Variants in ARID1A observed in about 807,000 individuals in gnomAD.
The protein encoded by ARID1A is AT-rich interaction domain 1A.
In ARID1A, 20 loss-of-function variants were observed where a neutral mutation model predicts 212.6. The observed-to-expected ratio is 0.09, with a 90% CI of 0.07 to 0.14. ARID1A has a LOEUF of 0.14. Ranked by LOEUF, ARID1A falls within the 10% of genes least tolerant of loss-of-function variation. ARID1A has a pLI of 1.00. For synonymous variants in ARID1A, 1,376 were observed against 1,222.1 expected, an observed-to-expected ratio of 1.13 and a Z score of -2.63; for missense variants, 2,587 against 3,059.0, an observed-to-expected ratio of 0.85 and a Z score of 3.64.
At position 26,757,509 on chromosome 1, in the gene ARID1A, C is replaced by G. The variant is rs114059345; in HGVS notation, c.1921-3347C>G. ...AAGGAAATAAAAACGCACAAAGATA[C>G]GCACCAAATAATTGAACAGTGGTTT... is the stretch of plus-strand genomic sequence containing the variant. On this transcript the variant is annotated intron_variant, in intron 4 of 19. Transcript: ENST00000324856. Among the ~76,000 whole-genome samples the G allele has an allele frequency of 8.0e-3, 1,210 of 151,376 alleles. 13 individuals are homozygous for G. Among genetic ancestry groups the G allele is most frequent in the Non-Finnish European group, 0.012 (836 of 67,844 alleles).
rs913672071 is a variant in ARID1A, at chr1:26,745,725, A to G, written c.1920+12933A>G. On this transcript the variant is annotated intron_variant, in intron 4 of 19. Coordinates refer to ENST00000324856, the MANE Select transcript of ARID1A (RefSeq NM_006015.6). ...TTCTACTGTTGCTTTTACTGTTAGG[A>G]CCAACTCCTGTACAAGACCAGCAAA... 2.0e-5 allele frequency among the ~76,000 whole-genome samples: 3 copies of G among 152,268 alleles called. No homozygotes were observed. The South Asian group carries it at 6.2e-4, about 32-fold the overall frequency.
chr1:26,732,876 G>A (rs2124793031), intron 4 of ARID1A, 84 bp downstream of exon 4: 2 of 1,234,546 alleles, frequency 1.6e-6, no homozygotes, highest in Non-Finnish European at 2.3e-6. Context: ...TGGAAGTTTA[G>A]CTAATTTTGA....
At chr1:26,772,257 T>C in intron 12 of ARID1A, 2 of 537,982 alleles carry the variant, frequency 3.7e-6, no homozygotes, top group South Asian at 4.9e-5. Flanking sequence ...ATCACCAGCA[T>C]GGTGATGTCA....
chr1:26,730,338 A>G (rs893714318), intron 2 of ARID1A, among the ~76,000 whole-genome samples: 1 of 152,240 alleles, frequency 6.6e-6, no homozygotes, highest in Non-Finnish European at 1.5e-5. Flanking sequence ...TGTTAACAGC[A>G]TTGATACAAA....
chr1:26,765,459 G>C (rs2081030421), intron 8 of ARID1A: 1 of 151,788 alleles, frequency 6.6e-6, no homozygotes, highest in Admixed American at 6.6e-5. Flanking sequence ...CTGCTCTCCA[G>C]CCTGGGCAAC....
chr1:26,702,988 G>A (rs1006403217), intron 1 of ARID1A, among the ~76,000 whole-genome samples: 5 of 152,124 alleles, frequency 3.3e-5, no homozygotes, highest in Non-Finnish European at 5.9e-5. Context: ...TTGCATTTCT[G>A]GAATATTAGA....
chr1:26,756,095 T>C (rs2080933580), intron 4 of ARID1A, among the ~76,000 whole-genome samples: 1 of 151,930 alleles, frequency 6.6e-6, no homozygotes, highest in South Asian at 2.1e-4. Context: ...TTTTTTTTCT[T>C]AGCGCTTCAG....
At chr1:26,763,380 G>T in intron 8 of ARID1A, 95 bp downstream of exon 8, 2 of 1,365,946 alleles carry the variant, frequency 1.5e-6, no homozygotes, top group Non-Finnish European at 2.0e-6. Context: ...AACCAGGGGG[G>T]GAAAATGGGT....
At chr1:26,703,476 TC>T (rs1452529470) in intron 1 of ARID1A, among the ~76,000 whole-genome samples, 1 of 152,170 alleles carries the variant, frequency 6.6e-6, no homozygotes, top group Admixed American at 6.5e-5. Flanking sequence ...TACACCAGAG[TC>T]CTGGAAGTGC....
intron 4 of ARID1A, among the ~76,000 whole-genome samples, chr1:26,733,442 G>A (rs1019239257): frequency 2.6e-5 from 4 of 152,152 alleles, no homozygotes; most frequent in African/African-American, 2.4e-5. Context: ...TTTCATAGGG[G>A]TGGTGGTGAA....
In ARID1A at chr1:26,775,031, A is replaced by G. The variant is rs2124122599; in HGVS notation, c.4804A>G (p.Ser1602Gly). 2 of 1,608,534 alleles carry G rather than the reference A, an allele frequency of 1.2e-6. No homozygotes were observed. Among genetic ancestry groups the G allele is most frequent in the African/African-American group, 1.3e-5 (1 of 74,394 alleles). The change falls in exon 18 of 20, where the codon AGC (serine) becomes GGC (glycine). Residue 1602 changes from serine to glycine, a missense_variant. Physicochemically the swap from Ser to Gly is moderately conservative, Grantham distance 56. Around this residue, in one of 11 missense-constraint regions of ARID1A, gnomAD observed 890 missense variants for 1,098.2 expected, o/e 0.81. Coordinates refer to ENST00000324856, the MANE Select transcript of ARID1A (RefSeq NM_006015.6). Reference protein sequence around the residue: ...PRPMENRTSPSKSPFLHSGMK... With the variant: ...PRPMENRTSPGKSPFLHSGMK... ...GCCAATGGAGAACCGCACCTCTCCT[A>G]GCAAGTCTCCATTCCTGCACTCTGG...
Position 26,775,115 on chromosome 1 carries a change from G to T in ARID1A, c.4888G>T (p.Val1630Leu). 6.2e-7 allele frequency: 1 copy of T among 1,614,068 alleles called. No individual in the cohort carries two copies. Among genetic ancestry groups the T allele is most frequent in the Non-Finnish European group, 8.5e-7 (1 of 1,180,018 alleles). The stretch of plus-strand genomic sequence containing the variant: ...TGCCTCGCACATAGCACCTGCCCCT[G>T]TGCAGCCCCCCATGATTCGGCGGGA... ...VPASHIAPAP[V>L]QPPMIRRDIT... is the part of the protein sequence containing the mutation. Residue 1630 changes from valine to leucine, a missense_variant, in exon 18 of 20, where the codon GTG (valine) becomes TTG (leucine). Val to Leu is a conservative substitution (Grantham distance 32). Coordinates refer to ENST00000324856, the MANE Select transcript of ARID1A (RefSeq NM_006015.6).
chr1:26,779,103 G>T lies in ARID1A; in HGVS notation c.5205G>T (p.Glu1735Asp). Residue 1735 changes from glutamate (E) to aspartate (D), a missense_variant, in exon 20 of 20, where the codon GAG (glutamate) becomes GAT (aspartate). This residue lies in a region of ARID1A where 890 missense variants were observed against 1,098.2 expected (regional missense o/e 0.81). Coordinates refer to ENST00000324856, the MANE Select transcript of ARID1A (RefSeq NM_006015.6). ...TCTTTGGCATTTTAAAGGAGTATGA[G>T]GTGGGTGACCCAGGACAGAGAACGC... ...IEIFGILKEY[E>D]VGDPGQRTLL... 6.5e-7 allele frequency: 1 copy of T among 1,540,810 alleles called. No individual in the cohort carries two copies. The highest frequency in any genetic ancestry group is 8.7e-7 in the Non-Finnish European group (1 of 1,143,320).
rs908879560 is a variant in ARID1A at position 26,771,635 on chromosome 1, A to G, written c.3406+309A>G. Reference sequence around the variant, plus strand: ...TGGAACTTATAAATGGCAGCAAGGCAGGGCCATCTGGGAGCTTTGGCCTAT... The same window carrying G: ...TGGAACTTATAAATGGCAGCAAGGCGGGGCCATCTGGGAGCTTTGGCCTAT... On this transcript the variant is annotated intron_variant, in intron 12 of 19. Transcript: ENST00000324856. This position sits in a 1 kb window ranked among gnomAD's most constrained non-coding sequence, Gnocchi z 5.4. The G allele has an allele frequency of 7.3e-6, 3 of 409,958 alleles. No homozygotes were observed. Among genetic ancestry groups the G allele is most frequent in the Non-Finnish European group, 1.3e-5 (3 of 222,384 alleles). The allele number at this position is 409,958 out of a possible 1,614,324, so 25.4% of individuals were successfully genotyped here. A position where few individuals can be genotyped will look rare whatever the true frequency, so the allele number is the denominator to read the frequency against.
chr1:26,753,766 T>A (rs1187418911), intron 4 of ARID1A, among the ~76,000 whole-genome samples: 1 of 152,222 alleles, frequency 6.6e-6, no homozygotes, highest in East Asian at 1.9e-4. Flanking sequence ...TTCCAGAAGA[T>A]GCCTGTTAGG....
rs2080260036 is a variant in ARID1A at position 26,696,755 on chromosome 1, A to G, written c.352A>G (p.Thr118Ala). 1 of 1,352,464 alleles carries G rather than the reference A, an allele frequency of 7.4e-7. No individual in the cohort carries two copies. The highest frequency in any genetic ancestry group is 9.5e-7 in the Non-Finnish European group (1 of 1,054,726). The allele number at this position is 1,352,464 out of a possible 1,614,324, so 83.8% of individuals were successfully genotyped here. Residue 118 changes from threonine (T) to alanine (A), a missense_variant, in exon 1 of 20, where the codon ACG becomes GCG. By Grantham distance (58) the Thr-to-Ala change is moderately conservative. Transcript: ENST00000324856. ...GPRPALNNNL[T>A]EPPGGGGGGS... ...TAGGCCCGCCCTGAACAATAACCTCACGGAGCCGCCCGGCGGCGGCGGTGG... is the reference window on the plus strand; with the variant it reads ...TAGGCCCGCCCTGAACAATAACCTCGCGGAGCCGCCCGGCGGCGGCGGTGG...
At chr1:26,776,634 G>A (rs1001490427) in intron 19 of ARID1A, among the ~76,000 whole-genome samples, 1 of 152,148 alleles carries the variant, frequency 6.6e-6, no homozygotes, top group African/African-American at 2.4e-5. Context: ...GCACACTAGT[G>A]GAGGTGCTGG....
intron 4 of ARID1A, among the ~76,000 whole-genome samples, chr1:26,757,523 G>A (rs1270623935): frequency 6.6e-6 from 1 of 151,626 alleles, no homozygotes; most frequent in African/African-American, 2.4e-5. Context: ...CCAAATAATT[G>A]AACAGTGGTT....
In ARID1A at chr1:26,696,978, T is replaced by G. The variant is rs1161356431; in HGVS notation, c.575T>G (p.Leu192Arg). ...CTGCAGAGCGGCGGCGGCGGGGGCC[T>G]GGAGCCCTACGCGGGGCCCCAGCAG... ...AALQSGGGGG[L>R]EPYAGPQQNS... is the part of the protein sequence containing the mutation. The change falls in exon 1 of 20, where the codon CTG (leucine) becomes CGG (arginine). Residue 192 changes from leucine (L) to arginine (R), a missense_variant. By Grantham distance (102) the Leu-to-Arg change is moderately radical (BLOSUM62 -2). Coordinates refer to ENST00000324856, the MANE Select transcript of ARID1A (RefSeq NM_006015.6). 1 of 1,496,504 alleles carries G rather than the reference T, an allele frequency of 6.7e-7. No homozygotes were observed. The highest frequency in any genetic ancestry group is 8.9e-7 in the Non-Finnish European group (1 of 1,126,508). The allele number at this position is 1,496,504 out of a possible 1,614,324, so 92.7% of individuals were successfully genotyped here.
Sources: gnomAD v4.1 joint callset for allele counts (sites outside exome capture counted in the v4.1 genomes callset) on GRCh38, gnomAD v4.1.1 for gene constraint, gnomAD v4.1.1 regional missense constraint, Gnocchi (gnomAD v3.1) non-coding constraint, MANE v1.5 for transcripts, NCBI Gene and HGNC (gene_info 2026-07-23, HGNC 2026-07-21) for gene names.